IL12RB2: variants seen among roughly 807,000 people sequenced by gnomAD.
IL12RB2 encodes interleukin 12 receptor subunit beta 2.
Under a neutral mutation model 89.4 loss-of-function variants are expected in IL12RB2, and 82 were observed. That is an observed-to-expected ratio of 0.92 (90% CI 0.77 to 1.10). IL12RB2 has a LOEUF of 1.10. Among genes scored for constraint, IL12RB2 ranks in the 50% least tolerant of loss-of-function variants. The probability of loss-of-function intolerance (pLI) is 0.00; values close to 1 mark genes in which losing one functional copy is unlikely to be tolerated. For missense variants in IL12RB2, 963 were observed against 1,031.9 expected, an observed-to-expected ratio of 0.93 and a Z score of 0.92; for synonymous variants, 368 against 370.1, an observed-to-expected ratio of 0.99 and a Z score of 0.07.
Position 67,368,134 on chromosome 1 carries a change from TGA to T in IL12RB2, c.1459+116_1459+117del, listed in dbSNP as rs139140448. On this transcript the variant is annotated intron_variant, in intron 11 of 16. Coordinates refer to ENST00000674203, the MANE Select transcript of IL12RB2 (RefSeq NM_001374259.2). ...CCTTCAATTACAGGTGGCTACATGA[TGA>T]GAGAGACTGATGACCTAGAGTCCAC... The T allele has an allele frequency of 8.3e-3, 6,131 of 737,692 alleles. 57 individuals carry two copies. The highest frequency in any genetic ancestry group is 0.018 in the Middle Eastern group (54 of 3,084). 45.7% of individuals were successfully genotyped at this position (737,692 alleles called of 1,614,324 possible). A position where few individuals can be genotyped will look rare whatever the true frequency, so the allele number is the denominator to read the frequency against.
intron 14 of IL12RB2, among the ~76,000 whole-genome samples, chr1:67,383,173 G>A (rs12741651): frequency 0.016 from 2,463 of 152,288 alleles, 31 homozygotes; most frequent in Non-Finnish European, 0.023. Flanking sequence ...TGCCAGGAGA[G>A]AGAAGAATGA....
At chr1:67,391,530 T>A (rs925321901) in intron 16 of IL12RB2, among the ~76,000 whole-genome samples, 11 of 148,400 alleles carry the variant, frequency 7.4e-5, no homozygotes, top group African/African-American at 2.4e-4. Context: ...ATAATAATAT[T>A]ATACATTCAT....
chr1:67,312,379 G>T (rs1034002459), intron 1 of IL12RB2, among the ~76,000 whole-genome samples: 1 of 152,176 alleles, frequency 6.6e-6, no homozygotes, highest in Non-Finnish European at 1.5e-5. Context: ...TTATTTGAAA[G>T]TGTCTTGTTT....
rs548448899 is a variant in IL12RB2 at position 67,340,171 on chromosome 1, G to A, written c.1038+1468G>A. On this transcript the variant is annotated intron_variant, in intron 9 of 16. Transcript: ENST00000674203. The stretch of plus-strand genomic sequence containing the variant: ...TGTCTCTCTCACACACACATAAAAC[G>A]TCTGGTATAAGAAGAGACTACTATA... Among the ~76,000 whole-genome samples, 11 of 152,190 alleles carry A rather than the reference G, an allele frequency of 7.2e-5. No individual in the cohort carries two copies. In the East Asian group the frequency reaches 1.2e-3, roughly 16 times the overall value.
intron 16 of IL12RB2, among the ~76,000 whole-genome samples, chr1:67,390,773 G>A (rs1448704952): frequency 6.6e-6 from 1 of 152,160 alleles, no homozygotes; most frequent in Admixed American, 6.5e-5. Context: ...GGGTCTGGAA[G>A]TTGAAAGTAT....
In IL12RB2 at chr1:67,321,622, G is replaced by GT. The variant is rs752958471; in HGVS notation, c.98dup (p.Thr34AspfsTer33). On this transcript the variant is annotated frameshift_variant, in exon 4 of 17. Transcript: ENST00000674203. LOFTEE classifies it high-confidence loss of function. ...TGCAGATGCGTGCAAGAGAGGCGAT[G>GT]TGACTGTGAAGCCTTCCCATGTAAT... 38 of 1,605,352 alleles carry GT rather than the reference G, an allele frequency of 2.4e-5. No individual in the cohort carries two copies. Among genetic ancestry groups the GT allele is most frequent in the Non-Finnish European group, 3.2e-5 (37 of 1,172,294 alleles).
intron 4 of IL12RB2, 36 bp downstream of exon 4, chr1:67,321,925 A>G: frequency 6.4e-7 from 1 of 1,567,398 alleles, no homozygotes; most frequent in African/African-American, 1.3e-5. Context: ...AAACTTGGTG[A>G]TCTTTTGGTA....
chr1:67,367,495 G>GCAAA (rs1336727279), intron 10 of IL12RB2, among the ~76,000 whole-genome samples: 2 of 133,284 alleles, frequency 1.5e-5, no homozygotes, highest in African/African-American at 5.5e-5. Flanking sequence ...AAGCAAAGAA[G>GCAAA]GAAGGAAAGA....
intron 10 of IL12RB2, among the ~76,000 whole-genome samples, chr1:67,357,551 T>C (rs1354220608): frequency 6.6e-6 from 1 of 152,250 alleles, no homozygotes; most frequent in African/African-American, 2.4e-5. Flanking sequence ...CATTTAGTTG[T>C]TTCCATCTCT....
chr1:67,379,141 G>A (rs931735251), intron 13 of IL12RB2, among the ~76,000 whole-genome samples: 1 of 151,626 alleles, frequency 6.6e-6, no homozygotes, highest in Non-Finnish European at 1.5e-5. Context: ...AGGTTACAGT[G>A]AGCCAAGATC....
chr1:67,390,253 C>T, intron 16 of IL12RB2, 125 bp downstream of exon 16: 3 of 684,090 alleles, frequency 4.4e-6, no homozygotes, highest in South Asian at 3.0e-5. Context: ...GTTATTCACG[C>T]TTGGCTACCA....
intron 10 of IL12RB2, among the ~76,000 whole-genome samples, chr1:67,356,009 G>A (rs748684699): frequency 1.3e-5 from 2 of 152,140 alleles, no homozygotes; most frequent in Non-Finnish European, 2.9e-5. Context: ...AAAGGATCTC[G>A]CAAACCATAG....
intron 8 of IL12RB2, among the ~76,000 whole-genome samples, chr1:67,333,110 G>A (rs1449035835): frequency 6.6e-6 from 1 of 152,172 alleles, no homozygotes; most frequent in East Asian, 1.9e-4. Flanking sequence ...CCCATACTCT[G>A]AGATACACCA....
intron 10 of IL12RB2, among the ~76,000 whole-genome samples, chr1:67,356,168 C>T (rs1244482209): frequency 2.0e-5 from 3 of 152,218 alleles, no homozygotes; most frequent in African/African-American, 7.2e-5. Context: ...ACAAGATGTC[C>T]AGTACACTGT....
intron 9 of IL12RB2, among the ~76,000 whole-genome samples, chr1:67,345,801 C>T (rs970460087): frequency 6.6e-6 from 1 of 152,040 alleles, no homozygotes; most frequent in Non-Finnish European, 1.5e-5. Context: ...CATGTTATGC[C>T]AGCTGAAAGT....
Position 67,367,535 on chromosome 1 carries a change from GAGGGAAGGAAGGA to G in IL12RB2, c.1259-275_1259-263del, listed in dbSNP as rs1191718199. 4.1e-5 allele frequency among the ~76,000 whole-genome samples: 6 copies of G among 144,966 alleles called. 1 individual carries two copies. Among genetic ancestry groups the G allele is most frequent in the Admixed American group, 2.7e-4 (4 of 14,572 alleles). ...AGGAAGGGGGAGGGAGGGAGGAAGG[GAGGGAAGGAAGGA>G]AGGGAAGGAAGGAAAAGTAAAGAAA... On this transcript the variant is annotated intron_variant, in intron 10 of 16. Transcript: ENST00000674203.
intron 2 of IL12RB2, among the ~76,000 whole-genome samples, chr1:67,314,336 C>T (rs914087404): frequency 3.9e-5 from 6 of 152,084 alleles, no homozygotes; most frequent in South Asian, 2.1e-4. Flanking sequence ...GAAATACAAA[C>T]GAGGGAATCA....
Position 67,396,165 on chromosome 1 carries a change from C to G in IL12RB2, c.*76C>G. 1.1e-6 allele frequency: 1 copy of G among 906,884 alleles called. No individual in the cohort carries two copies. Among genetic ancestry groups the G allele is most frequent in the Non-Finnish European group, 1.8e-6 (1 of 545,614 alleles). The allele number at this position is 906,884 out of a possible 1,614,324, so 56.2% of individuals were successfully genotyped here. On this transcript the variant is annotated 3_prime_UTR_variant, in exon 17 of 17. Transcript: ENST00000674203. Reference sequence around the variant, plus strand: ...TGCCCCAATTCCCCCAGCCCCTGCTCCAGCAGCTGTCATCTCTGGGTGCCA... The same window carrying G: ...TGCCCCAATTCCCCCAGCCCCTGCTGCAGCAGCTGTCATCTCTGGGTGCCA...
intron 16 of IL12RB2, among the ~76,000 whole-genome samples, chr1:67,391,522 A>G (rs1665827033): frequency 6.8e-6 from 1 of 147,096 alleles, no homozygotes; most frequent in Admixed American, 6.8e-5. Flanking sequence ...ATAATTATAT[A>G]ATAATATTAT....
Sources: gnomAD v4.1 joint callset for allele counts (sites outside exome capture counted in the v4.1 genomes callset) on GRCh38, gnomAD v4.1.1 for gene constraint, MANE v1.5 for transcripts, NCBI Gene and HGNC (gene_info 2026-07-23, HGNC 2026-07-21) for gene names.